The following MAP4K4 variants were observed in gnomAD, a reference collection of about 807,000 sequenced individuals.
MAP4K4 encodes the protein mitogen-activated protein kinase kinase kinase kinase 4.
A neutral mutation model predicts 189.6 loss-of-function variants in MAP4K4; 38 were observed. The ratio of observed to expected loss-of-function variants is 0.20; its 90% CI spans 0.15 to 0.26. MAP4K4 has a LOEUF of 0.26. Among genes scored for constraint, MAP4K4 ranks in the 10% least tolerant of loss-of-function variants. The pLI, the probability that MAP4K4 is intolerant of heterozygous loss-of-function variation, is 1.00. For synonymous variants in MAP4K4, 610 were observed against 624.3 expected, an observed-to-expected ratio of 0.98 and a Z score of 0.34; for missense variants, 1,054 against 1,726.9, an observed-to-expected ratio of 0.61 and a Z score of 6.91.
At chr2:101,805,158 A>C (rs938955455) in intron 3 of MAP4K4, among the ~76,000 whole-genome samples, 1 of 152,090 alleles carries the variant, frequency 6.6e-6, no homozygotes, top group African/African-American at 2.4e-5. Context: ...CACAAATTAT[A>C]AACTCAGTAA....
chr2:101,821,874 G>T (rs1311483274), intron 3 of MAP4K4, among the ~76,000 whole-genome samples: 2 of 152,132 alleles, frequency 1.3e-5, no homozygotes, highest in Non-Finnish European at 2.9e-5. Flanking sequence ...AAATATCTTT[G>T]TAAGCTTTTT....
chr2:101,855,798 A>G (rs1480461429), intron 12 of MAP4K4, among the ~76,000 whole-genome samples, 179 bp from the exon 13 acceptor site: 2 of 152,188 alleles, frequency 1.3e-5, no homozygotes, highest in African/African-American at 4.8e-5. Flanking sequence ...ACCAGCATTC[A>G]TGAAGAAGCC....
intron 3 of MAP4K4, among the ~76,000 whole-genome samples, chr2:101,814,260 A>G (rs1011997351): frequency 6.6e-6 from 1 of 152,190 alleles, no homozygotes; most frequent in East Asian, 1.9e-4. Context: ...TTTTTAAATG[A>G]AAGGTGTCTG....
chr2:101,789,348 A>G (rs2092423307), intron 2 of MAP4K4, among the ~76,000 whole-genome samples: 1 of 152,228 alleles, frequency 6.6e-6, no homozygotes, highest in Admixed American at 6.5e-5. Context: ...TTAATTTAGG[A>G]AACAGGGTTC....
chr2:101,767,307 A>G (rs753033659), intron 2 of MAP4K4, among the ~76,000 whole-genome samples: 5 of 152,216 alleles, frequency 3.3e-5, no homozygotes, highest in Non-Finnish European at 5.9e-5. Flanking sequence ...ACTTGCAAAT[A>G]TGTTATCTCA....
intron 2 of MAP4K4, among the ~76,000 whole-genome samples, chr2:101,728,564 T>G (rs1195219472): frequency 6.6e-6 from 1 of 152,108 alleles, no homozygotes; most frequent in African/African-American, 2.4e-5. Context: ...CAGGCTGGGG[T>G]GCAGTGGTGC....
chr2:101,852,143 T>C (rs1478586851), intron 12 of MAP4K4, among the ~76,000 whole-genome samples: 1 of 151,960 alleles, frequency 6.6e-6, no homozygotes, highest in Non-Finnish European at 1.5e-5. Flanking sequence ...AGGTGTTTTT[T>C]TTTTTTGTTT....
rs58201235 is a variant in MAP4K4, at chr2:101,797,889, GTTTTTTTT to G, written c.180+7127_180+7134del. ...TGAAGCTTTTTAAAACATTCTTTTA[GTTTTTTTT>G]TTTTTTTTTTTTTGGAGACCAAGGT... is the stretch of plus-strand genomic sequence containing the variant. On this transcript the variant is annotated intron_variant, in intron 3 of 32. Coordinates refer to ENST00000324219, the Ensembl canonical transcript of MAP4K4. 3.8e-4 allele frequency among the ~76,000 whole-genome samples: 20 copies of G among 52,304 alleles called. 1 individual carries two copies. Among genetic ancestry groups the G allele is most frequent in the Admixed American group, 3.2e-3 (10 of 3,124 alleles). 34.3% of individuals were successfully genotyped at this position (52,304 alleles called of 152,430 possible).
Position 101,807,370 on chromosome 2 carries a change from T to C in MAP4K4, c.181-16558T>C, listed in dbSNP as rs536132242. 1.6e-4 allele frequency among the ~76,000 whole-genome samples: 25 copies of C among 152,214 alleles called. 1 individual carries two copies. In the South Asian group the frequency reaches 5.2e-3, roughly 32 times the overall value. On this transcript the variant is annotated intron_variant, in intron 3 of 32. Coordinates refer to ENST00000324219, the Ensembl canonical transcript of MAP4K4. ...GTATGAGCCACTGCTCCTGGACATG[T>C]CACCTGTATTTTAGCCCAACATGGC...
At position 101,797,896 on chromosome 2, in the gene MAP4K4, T is replaced by G. The variant is rs1339397475; in HGVS notation, c.180+7120T>G. Among the ~76,000 whole-genome samples the G allele has an allele frequency of 9.5e-5, 12 of 126,450 alleles. 1 individual carries two copies. Among genetic ancestry groups the G allele is most frequent in the African/African-American group, 2.4e-4 (8 of 32,798 alleles). The allele number at this position is 126,450 out of a possible 152,430, so 83.0% of individuals were successfully genotyped here. On this transcript the variant is annotated intron_variant, in intron 3 of 32. Coordinates refer to ENST00000324219, the Ensembl canonical transcript of MAP4K4. Reference sequence around the variant, plus strand: ...TTTTAAAACATTCTTTTAGTTTTTTTTTTTTTTTTTTTTTGGAGACCAAGG... The same window carrying G: ...TTTTAAAACATTCTTTTAGTTTTTTGTTTTTTTTTTTTTTGGAGACCAAGG...
chr2:101,747,585 C>T (rs774528145), intron 2 of MAP4K4, among the ~76,000 whole-genome samples: 6 of 152,138 alleles, frequency 3.9e-5, no homozygotes, highest in Admixed American at 6.5e-5. Context: ...AGAAGATCTG[C>T]ACTGCAAGTG....
At chr2:101,846,736 C>T (rs1559169895) in intron 12 of MAP4K4, among the ~76,000 whole-genome samples, 1 of 152,180 alleles carries the variant, frequency 6.6e-6, no homozygotes, top group African/African-American at 2.4e-5. Context: ...AGGGTCATCT[C>T]TTTGAGCTTC....
intron 2 of MAP4K4, among the ~76,000 whole-genome samples, chr2:101,742,433 C>A (rs991854730): frequency 5.9e-5 from 9 of 152,180 alleles, no homozygotes; most frequent in African/African-American, 2.2e-4. Context: ...GCTTCCTGAG[C>A]CACGCTGCCT....
At chr2:101,800,377 C>T (rs146623670) in intron 3 of MAP4K4, among the ~76,000 whole-genome samples, 13 of 152,238 alleles carry the variant, frequency 8.5e-5, no homozygotes, top group African/African-American at 2.6e-4. Context: ...GGATTATAGG[C>T]GTGAGGGACC....
chr2:101,824,002 T>C lies in MAP4K4; in HGVS notation c.255T>C (p.Tyr85=), dbSNP rs55856263. ...CTCATCACAGAAACATTGCAACATATTATGGTGCTTTCATCAAAAAGAGCC... is the reference window on the plus strand; with the variant it reads ...CTCATCACAGAAACATTGCAACATACTATGGTGCTTTCATCAAAAAGAGCC... The change falls in exon 4 of 33, where the codon TAT becomes TAC. Residue 85 remains tyrosine, a synonymous_variant. Coordinates refer to ENST00000324219, the Ensembl canonical transcript of MAP4K4. 375 of 1,606,198 alleles carry C rather than the reference T, an allele frequency of 2.3e-4. No homozygotes were observed. The highest frequency in any genetic ancestry group is 1.2e-3 in the Admixed American group (70 of 59,612).
chr2:101,778,691 G>C (rs773877420), intron 2 of MAP4K4, among the ~76,000 whole-genome samples: 9 of 152,230 alleles, frequency 5.9e-5, no homozygotes, highest in East Asian at 1.9e-4. Context: ...GCAGGGAGTC[G>C]TATGAAGGGA....
chr2:101,888,555 C>T (rs1016043305), intron 31 of MAP4K4, among the ~76,000 whole-genome samples: 2 of 151,928 alleles, frequency 1.3e-5, no homozygotes, highest in African/African-American at 4.8e-5. Flanking sequence ...TCTAGATAGG[C>T]GTGAAAGGCC....
chr2:101,775,742 T>C (rs1010009851), intron 2 of MAP4K4, among the ~76,000 whole-genome samples: 3 of 152,184 alleles, frequency 2.0e-5, no homozygotes, highest in Non-Finnish European at 4.4e-5. Flanking sequence ...GCAGCCCTGG[T>C]TCACACCTGG....
At chr2:101,712,508 AT>A (rs888185289) in intron 2 of MAP4K4, among the ~76,000 whole-genome samples, 4 of 139,208 alleles carry the variant, frequency 2.9e-5, no homozygotes, top group African/African-American at 1.1e-4. Context: ...TTTTTATTTT[AT>A]TTTTTTTTGA....
Sources: allele counts gnomAD v4.1 joint callset (sites outside exome capture counted in the v4.1 genomes callset), GRCh38; gene constraint gnomAD v4.1.1; transcripts MANE v1.5; gene names NCBI Gene and HGNC (gene_info 2026-07-23, HGNC 2026-07-21).